SLC38A8: variants seen among roughly 807,000 people sequenced by gnomAD.
SLC38A8 encodes amino acid transporter SLC38A8.
SLC38A8 carries 65 observed loss-of-function variants against 46.0 expected under a neutral mutation model. The ratio of observed to expected loss-of-function variants is 1.41; its 90% CI spans 1.16 to 1.74. SLC38A8 has a LOEUF of 1.74. Ranked by LOEUF, SLC38A8 falls within the 40% of genes most tolerant of loss-of-function variation. The pLI is 0.00. For synonymous variants in SLC38A8, 447 were observed against 243.7 expected (o/e 1.83, Z -7.77); for missense variants, 998 against 567.9 (o/e 1.76, Z -7.70).
intron 5 of SLC38A8, among the ~76,000 whole-genome samples, chr16:84,031,533 G>A (rs1337500775): frequency 6.6e-6 from 1 of 151,826 alleles, no homozygotes; most frequent in Non-Finnish European, 1.5e-5. Context: ...CTGTTCCCCT[G>A]CCCCGGTACA....
intron 1 of SLC38A8, 107 bp downstream of exon 1, chr16:84,042,441 ACCC>A (rs2085378449): frequency 1.0e-5 from 3 of 293,668 alleles, no homozygotes; most frequent in Non-Finnish European, 1.9e-5. Flanking sequence ...CTTCTCCCAA[ACCC>A]CCAACCTTCC....
chr16:84,037,356 T>C (rs1413624005), intron 2 of SLC38A8, among the ~76,000 whole-genome samples: 1 of 151,990 alleles, frequency 6.6e-6, no homozygotes, highest in Non-Finnish European at 1.5e-5. Context: ...AACCTCTGCT[T>C]TTCCATCTGT....
chr16:84,035,450 A>G (rs9931214), intron 3 of SLC38A8, among the ~76,000 whole-genome samples: 6,017 of 152,276 alleles, frequency 0.04, 416 homozygotes, highest in African/African-American at 0.14. Context: ...CAACAATCAC[A>G]TGCCAATTAA....
chr16:84,040,046 C>G (rs1343689141), intron 2 of SLC38A8: 1 of 152,242 alleles, frequency 6.6e-6, no homozygotes, highest in Non-Finnish European at 1.5e-5. Context: ...CTGTTTTCAT[C>G]AAATGGCACT....
At chr16:84,012,333 G>A (rs1037126044) in intron 10 of SLC38A8, among the ~76,000 whole-genome samples, 2 of 152,190 alleles carry the variant, frequency 1.3e-5, no homozygotes, top group African/African-American at 2.4e-5. Context: ...AAAGTACAGA[G>A]GCTCAGTCGT....
Position 84,036,911 on chromosome 16 carries a change from G to C in SLC38A8, c.190-11C>G, listed in dbSNP as rs774613761. Reference sequence around the variant, plus strand: ...GAAGACCAACGAGACCTGCGGAGAAGGAGCAGGACCTGGAACTGGGGTGTG... The same window carrying C: ...GAAGACCAACGAGACCTGCGGAGAACGAGCAGGACCTGGAACTGGGGTGTG... On this transcript the variant is annotated splice_polypyrimidine_tract_variant and intron_variant, in intron 2 of 10. Transcript: ENST00000299709. 3 of 1,604,066 alleles carry C rather than the reference G, an allele frequency of 1.9e-6. No individual in the cohort carries two copies. The highest frequency in any genetic ancestry group is 1.3e-5 in the African/African-American group (1 of 74,740).
rs569953629 is a variant in SLC38A8 at position 84,033,880 on chromosome 16, T to A, written c.389-411A>T. On this transcript the variant is annotated intron_variant, in intron 3 of 10. Transcript: ENST00000299709. ...GCCGTCAGCAACAGGCTGCTGTGCA[T>A]GAGCATTGTAGGTCCTCATGGTTGC... Among the ~76,000 whole-genome samples, 9 of 152,322 alleles carry A rather than the reference T, an allele frequency of 5.9e-5. 1 individual carries two copies. The South Asian group carries it at 1.9e-3, about 32-fold the overall frequency.
chr16:84,021,275 G>T (rs567421238), intron 7 of SLC38A8, among the ~76,000 whole-genome samples: 3 of 152,258 alleles, frequency 2.0e-5, no homozygotes, highest in African/African-American at 7.2e-5. Context: ...ATGTTTCACA[G>T]GCTGGTCTCA....
intron 9 of SLC38A8, among the ~76,000 whole-genome samples, chr16:84,013,400 A>G (rs929172966): frequency 7.3e-6 from 1 of 136,474 alleles, no homozygotes; most frequent in African/African-American, 2.8e-5. Flanking sequence ...GGCAGCTACC[A>G]TTACTTTCTT....
rs1316517738 is a variant in SLC38A8, at chr16:84,032,921, T to C, written c.530+407A>G. ...GTGTGGGTGGGTGAGCATGGGTGGG[T>C]GTGGGTACGTGGGTGTGCATGGGTG... On this transcript the variant is annotated intron_variant, in intron 4 of 10. Coordinates refer to ENST00000299709, the MANE Select transcript of SLC38A8 (RefSeq NM_001080442.3). 1.3e-4 allele frequency among the ~76,000 whole-genome samples: 10 copies of C among 76,926 alleles called. 1 individual carries two copies. Among genetic ancestry groups the C allele is most frequent in the African/African-American group, 8.5e-4 (10 of 11,730 alleles). The allele number at this position is 76,926 out of a possible 152,430, so 50.5% of individuals were successfully genotyped here.
intron 6 of SLC38A8, among the ~76,000 whole-genome samples, chr16:84,025,127 G>A (rs1172056328): frequency 1.3e-5 from 2 of 150,432 alleles, no homozygotes; most frequent in Non-Finnish European, 3.0e-5. Flanking sequence ...GGGCAGGGAG[G>A]CTCTGCTCTG....
intron 9 of SLC38A8, among the ~76,000 whole-genome samples, chr16:84,014,354 C>A (rs563742789): frequency 4.2e-4 from 64 of 151,014 alleles, no homozygotes; most frequent in African/African-American, 1.3e-3. Context: ...CGGCCCAGAA[C>A]TGAGGGAGGA....
chr16:84,043,267 G>T (rs1161345389), upstream of SLC38A8, among the ~76,000 whole-genome samples: 2 of 152,216 alleles, frequency 1.3e-5, no homozygotes, highest in African/African-American at 4.8e-5. Flanking sequence ...CTGATACGGG[G>T]TCAGCTAAGG....
Position 84,042,081 on chromosome 16 carries a change from G to C in SLC38A8, c.77C>G (p.Ser26Trp). ...HPATAAATLSSMGAVFILMKS... is the reference protein window; with the variant it reads ...HPATAAATLSWMGAVFILMKS... ...CATGAGGATGAAGACAGCGCCCATC[G>C]AGGACAGAGTGGCAGCAGCCGTGGC... Residue 26 changes from serine to tryptophan, a missense_variant, in exon 2 of 11, where the codon TCG (serine) becomes TGG (tryptophan). Transcript: ENST00000299709. 3 of 1,614,072 alleles carry C rather than the reference G, an allele frequency of 1.9e-6. No individual in the cohort carries two copies. The highest frequency in any genetic ancestry group is 1.6e-4 in the Middle Eastern group (1 of 6,062).
intron 10 of SLC38A8, among the ~76,000 whole-genome samples, chr16:84,012,426 T>C (rs1447593389): frequency 6.6e-6 from 1 of 152,246 alleles, no homozygotes; most frequent in African/African-American, 2.4e-5. Flanking sequence ...CAGCATTGTA[T>C]GCCAGGCAGG....
At position 84,018,535 on chromosome 16, in the gene SLC38A8, C is replaced by T. The variant is rs575128696; in HGVS notation, c.806-1248G>A. On this transcript the variant is annotated intron_variant, in intron 7 of 10. Transcript: ENST00000299709. ...TGCCTGGCCTGGCCCATTCCCTCTT[C>T]TTATAAAGCCACTAGTGCCATGCCC... is the stretch of plus-strand genomic sequence containing the variant. 3.9e-5 allele frequency among the ~76,000 whole-genome samples: 6 copies of T among 152,180 alleles called. No individual in the cohort carries two copies. The South Asian group carries it at 1.2e-3, about 32-fold the overall frequency.
chr16:84,038,071 G>C (rs537238864), intron 2 of SLC38A8, among the ~76,000 whole-genome samples: 1 of 152,200 alleles, frequency 6.6e-6, no homozygotes, highest in Admixed American at 6.5e-5. Flanking sequence ...AGCACTTCGG[G>C]AGGCCAAGGC....
chr16:84,012,145 C>A (rs549738508), intron 10 of SLC38A8, among the ~76,000 whole-genome samples: 6 of 152,188 alleles, frequency 3.9e-5, no homozygotes, highest in African/African-American at 1.4e-4. Flanking sequence ...TAATTTGTTA[C>A]AATAACCCCA....
At chr16:84,011,916 C>T (rs547813678) in intron 10 of SLC38A8, among the ~76,000 whole-genome samples, 1 of 152,090 alleles carries the variant, frequency 6.6e-6, no homozygotes, top group Admixed American at 6.6e-5. Flanking sequence ...AGAGGGATTT[C>T]TGAGACGCAG....
Sources: allele counts gnomAD v4.1 joint callset (sites outside exome capture counted in the v4.1 genomes callset), GRCh38; gene constraint gnomAD v4.1.1; transcripts MANE v1.5; gene names NCBI Gene and HGNC (gene_info 2026-07-23, HGNC 2026-07-21).